FGD4: variants seen among roughly 807,000 people sequenced by gnomAD.
The protein encoded by FGD4 is FYVE, RhoGEF and PH domain-containing protein 4.
FGD4 carries 42 observed loss-of-function variants against 102.0 expected under a neutral mutation model. The observed-to-expected ratio is 0.41, with a 90% CI of 0.32 to 0.53. The LOEUF (loss-of-function observed/expected upper bound fraction) is 0.53, where lower values mean the gene tolerates loss of function less well. Among genes scored for constraint, FGD4 ranks in the 20% least tolerant of loss-of-function variants. The pLI is 0.21. For missense variants in FGD4, 902 were observed against 1,078.2 expected (o/e 0.84, Z 2.29); for synonymous variants, 380 against 375.7 (o/e 1.01, Z -0.13).
intron 14 of FGD4, among the ~76,000 whole-genome samples, chr12:32,628,574 C>T (rs988758493): frequency 6.6e-6 from 1 of 151,916 alleles, no homozygotes; most frequent in Non-Finnish European, 1.5e-5. Flanking sequence ...TGAGACGGGT[C>T]GATCTCCTGA....
At chr12:32,463,901 A>C (rs935655846) in intron 1 of FGD4, among the ~76,000 whole-genome samples, 6 of 152,230 alleles carry the variant, frequency 3.9e-5, no homozygotes, top group African/African-American at 1.4e-4. Flanking sequence ...TTGGATTTAG[A>C]ATGTAGCCTT....
rs1945581272 is a variant in FGD4 at position 32,570,601 on chromosome 12, C to T, written c.320-5665C>T. ...GGATTACAGGCATGTGCCACCACGC[C>T]CGGCTAATTTTTGTATTTTTAGTAG... is the stretch of plus-strand genomic sequence containing the variant. On this transcript the variant is annotated intron_variant, in intron 2 of 16. Coordinates refer to ENST00000534526, the MANE Select transcript of FGD4 (RefSeq NM_001370298.3). Among the ~76,000 whole-genome samples the T allele has an allele frequency of 2.0e-5, 3 of 152,090 alleles. No homozygotes were observed. The South Asian group carries it at 6.2e-4, about 32-fold the overall frequency.
intron 1 of FGD4, among the ~76,000 whole-genome samples, chr12:32,528,872 G>C (rs1191501259): frequency 1.3e-5 from 2 of 152,108 alleles, no homozygotes; most frequent in African/African-American, 4.8e-5. Context: ...CTTTGGATTT[G>C]GAGGCCAGCT....
intron 1 of FGD4, chr12:32,502,259 G>T (rs922898480): frequency 3.0e-6 from 3 of 985,412 alleles, no homozygotes; most frequent in South Asian, 4.7e-5. Context: ...GCTTTGGCTC[G>T]CTGGAAGAAC....
chr12:32,423,017 A>T (rs1941699000), intron 1 of FGD4, among the ~76,000 whole-genome samples: 1 of 152,106 alleles, frequency 6.6e-6, no homozygotes, highest in Non-Finnish European at 1.5e-5. Flanking sequence ...CCCTGCTCTT[A>T]ATCTCTGTAC....
chr12:32,554,397 A>G (rs576585784), intron 1 of FGD4, among the ~76,000 whole-genome samples: 1 of 152,326 alleles, frequency 6.6e-6, no homozygotes, highest in Admixed American at 6.5e-5. Context: ...AATTTAGAAA[A>G]CATCTTTTAT....
chr12:32,439,270 C>T (rs1184214133), intron 1 of FGD4, among the ~76,000 whole-genome samples: 1 of 152,192 alleles, frequency 6.6e-6, no homozygotes, highest in African/African-American at 2.4e-5. Flanking sequence ...CCAGATTCAT[C>T]CATCTTGTTA....
chr12:32,522,002 A>G (rs1323319529), intron 1 of FGD4, among the ~76,000 whole-genome samples: 1 of 152,244 alleles, frequency 6.6e-6, no homozygotes, highest in Admixed American at 6.5e-5. Context: ...ATTCCAAGCA[A>G]ATAAATTTAT....
chr12:32,558,309 T>A (rs1944278620), intron 1 of FGD4, among the ~76,000 whole-genome samples: 1 of 152,196 alleles, frequency 6.6e-6, no homozygotes, highest in Admixed American at 6.5e-5. Flanking sequence ...TATGCTCCCA[T>A]AAAGATCGTC....
intron 1 of FGD4, among the ~76,000 whole-genome samples, chr12:32,457,629 C>G (rs1464284186): frequency 6.6e-6 from 1 of 152,186 alleles, no homozygotes; most frequent in African/African-American, 2.4e-5. Flanking sequence ...GAGATGTCTT[C>G]AGTGGACTCA....
intron 1 of FGD4, among the ~76,000 whole-genome samples, chr12:32,509,179 T>C (rs1380986468): frequency 6.6e-6 from 1 of 151,936 alleles, no homozygotes; most frequent in African/African-American, 2.4e-5. Flanking sequence ...CATTAAATGA[T>C]GAACTAGGAA....
intron 1 of FGD4, among the ~76,000 whole-genome samples, chr12:32,444,394 AT>A (rs796094458): frequency 4.0e-5 from 6 of 151,146 alleles, no homozygotes; most frequent in Admixed American, 2.6e-4. Context: ...GAATTAAGCA[AT>A]TTTTTTTTGT....
chr12:32,456,645 T>C (rs1052787257), intron 1 of FGD4, among the ~76,000 whole-genome samples: 1 of 152,222 alleles, frequency 6.6e-6, no homozygotes, highest in Non-Finnish European at 1.5e-5. Flanking sequence ...CAAAATGTTA[T>C]AAAGTTCAGG....
chr12:32,519,267 C>G (rs1203411836), intron 1 of FGD4, among the ~76,000 whole-genome samples: 1 of 152,030 alleles, frequency 6.6e-6, no homozygotes, highest in Non-Finnish European at 1.5e-5. Context: ...CAGTCTGTCC[C>G]TTTGAGGTAC....
intron 1 of FGD4, among the ~76,000 whole-genome samples, chr12:32,514,285 G>A (rs1939670546): frequency 6.6e-6 from 1 of 152,192 alleles, no homozygotes; most frequent in Non-Finnish European, 1.5e-5. Flanking sequence ...GCAAGAAATG[G>A]CCATAAGATG....
At chr12:32,419,152 C>T (rs1327406412) in intron 1 of FGD4, among the ~76,000 whole-genome samples, 1 of 152,148 alleles carries the variant, frequency 6.6e-6, no homozygotes, top group Non-Finnish European at 1.5e-5. Context: ...GGCCTGGACT[C>T]AGTGACCTCA....
intron 14 of FGD4, 118 bp from the exon 15 acceptor site, chr12:32,633,431 T>C (rs1340892808): frequency 9.0e-7 from 1 of 1,117,156 alleles, no homozygotes; most frequent in Non-Finnish European, 1.3e-6. Context: ...GTTCCTTTTC[T>C]AACAAAAATC....
At chr12:32,416,100 A>T (rs1374276202) in intron 1 of FGD4, among the ~76,000 whole-genome samples, 1 of 152,112 alleles carries the variant, frequency 6.6e-6, no homozygotes, top group Non-Finnish European at 1.5e-5. Flanking sequence ...GGCTCAAGTG[A>T]TCCTTTTCTT....
intron 4 of FGD4, among the ~76,000 whole-genome samples, chr12:32,595,536 C>T (rs540205543): frequency 1.3e-5 from 2 of 152,294 alleles, no homozygotes; most frequent in Admixed American, 1.3e-4. Context: ...TATATATTTC[C>T]TCATATCTCA....
Sources: allele counts gnomAD v4.1 joint callset (sites outside exome capture counted in the v4.1 genomes callset), GRCh38; gene constraint gnomAD v4.1.1; transcripts MANE v1.5; gene names NCBI Gene and HGNC (gene_info 2026-07-23, HGNC 2026-07-21).